The following SMARCB1 variants were observed in gnomAD, a reference collection of about 807,000 sequenced individuals.
The protein encoded by SMARCB1 is SWI/SNF related BAF chromatin remodeling complex subunit B1.
In SMARCB1, 5 loss-of-function variants were observed where a neutral mutation model predicts 49.0. The ratio of observed to expected loss-of-function variants is 0.10; its 90% CI spans 0.05 to 0.21. The LOEUF is 0.21. Among genes scored for constraint, SMARCB1 ranks in the 10% least tolerant of loss-of-function variants. The pLI, the probability that SMARCB1 is intolerant of heterozygous loss-of-function variation, is 1.00. For synonymous variants in SMARCB1, 201 were observed against 200.1 expected (o/e 1.00, Z -0.04); for missense variants, 226 against 509.2 (o/e 0.44, Z 5.35).
Position 23,837,836 on chromosome 22 carries a change from T to G in SMARCB1, c.*3656T>G. ...AGGGCCTGGCCCAGGAAGAACAGGC[T>G]GCCCAGGAGTCCCAGCAGCTGGGCC... On this transcript the variant is annotated 3_prime_UTR_variant, in exon 9 of 9. Transcript: ENST00000644036. 1 of 1,612,424 alleles carries G rather than the reference T, an allele frequency of 6.2e-7. No homozygotes were observed. The highest frequency in any genetic ancestry group is 8.5e-7 in the Non-Finnish European group (1 of 1,179,074).
chr22:23,837,327 T>A lies in SMARCB1; in HGVS notation c.*3147T>A. On this transcript the variant is annotated 3_prime_UTR_variant, in exon 9 of 9. Transcript: ENST00000644036. ...CCGGGTTGGCCGTGAAGGACAAGCT[T>A]AAAAGGCCCAGAAGCAGGCAGGACC... 1 of 849,890 alleles carries A rather than the reference T, an allele frequency of 1.2e-6. No homozygotes were observed. The allele number at this position is 849,890 out of a possible 1,614,324, so 52.6% of individuals were successfully genotyped here.
chr22:23,824,767 G>C, intron 6 of SMARCB1: 1 of 216,596 alleles, frequency 4.6e-6, no homozygotes, highest in Non-Finnish European at 9.4e-6. Context: ...CTGTGAACAC[G>C]CTAGGCAGGG....
chr22:23,803,107 A>G (rs2145982279), intron 4 of SMARCB1, 188 bp from the exon 5 acceptor site: 1 of 720,294 alleles, frequency 1.4e-6, no homozygotes, highest in South Asian at 1.5e-5. Context: ...TATGGCCCCA[A>G]CTGTCCCCAT....
At chr22:23,803,140 T>C (rs1270093980) in intron 4 of SMARCB1, 155 bp from the exon 5 acceptor site, 18 of 966,370 alleles carry the variant, frequency 1.9e-5, no homozygotes, top group Non-Finnish European at 2.6e-5. Context: ...CCGGGACCCC[T>C]GCTAGCCTCG....
rs1051795046 is a variant in SMARCB1, at chr22:23,787,050, C to A, written c.-120C>A. 4.5e-6 allele frequency: 3 copies of A among 670,678 alleles called. No individual in the cohort carries two copies. Among genetic ancestry groups the A allele is most frequent in the Non-Finnish European group, 7.8e-6 (3 of 384,744 alleles). 41.5% of individuals were successfully genotyped at this position (670,678 alleles called of 1,614,324 possible). Reference sequence around the variant, plus strand: ...GGAGCCCGGCTGAGGCGCCAGTACCCGGCCCGGTCCGCATTTCGCCTTCCG... The same window carrying A: ...GGAGCCCGGCTGAGGCGCCAGTACCAGGCCCGGTCCGCATTTCGCCTTCCG... On this transcript the variant is annotated 5_prime_UTR_variant, in exon 1 of 9. Coordinates refer to ENST00000644036, the MANE Select transcript of SMARCB1 (RefSeq NM_003073.5).
In SMARCB1 at chr22:23,834,886, A is replaced by G; in HGVS notation, c.*706A>G. ...GGGCCGCCCTGGCTCTGCTGTGTCC[A>G]GATGGTCAGGCTACTGCCAGCTGGG... On this transcript the variant is annotated 3_prime_UTR_variant, in exon 9 of 9. Transcript: ENST00000644036. 6.2e-7 allele frequency: 1 copy of G among 1,612,444 alleles called. No individual in the cohort carries two copies. Among genetic ancestry groups the G allele is most frequent in the Non-Finnish European group, 8.5e-7 (1 of 1,179,770 alleles).
intron 3 of SMARCB1, among the ~76,000 whole-genome samples, chr22:23,798,906 C>T (rs1031072973): frequency 5.3e-5 from 8 of 152,046 alleles, no homozygotes; most frequent in Non-Finnish European, 2.9e-5. Context: ...AAAACTTAGC[C>T]GGGCGTGGTG....
rs35467366 is a variant in SMARCB1 at position 23,816,568 on chromosome 22, T to G, written c.629-202T>G. The G allele has an allele frequency of 0.013, 8,732 of 650,028 alleles. 537 individuals carry two copies. The African/African-American group carries it at 0.14, about 10-fold the overall frequency. 40.3% of individuals were successfully genotyped at this position (650,028 alleles called of 1,614,324 possible). A position where few individuals can be genotyped will look rare whatever the true frequency, so the allele number is the denominator to read the frequency against. Reference sequence around the variant, plus strand: ...CCCCCAGGGCATGGAGCAGGAGGTCTGTGCAGGATGAGGGCTGGGGGCCTG... The same window carrying G: ...CCCCCAGGGCATGGAGCAGGAGGTCGGTGCAGGATGAGGGCTGGGGGCCTG... On this transcript the variant is annotated intron_variant, in intron 5 of 8. Transcript: ENST00000644036.
At chr22:23,801,370 T>G in intron 4 of SMARCB1, 1 of 680,974 alleles carries the variant, frequency 1.5e-6, no homozygotes, top group Non-Finnish European at 2.7e-6. Context: ...GCCCTCAGTT[T>G]CACATGAGTG....
chr22:23,813,059 G>A, intron 5 of SMARCB1, among the ~76,000 whole-genome samples: 1 of 152,066 alleles, frequency 6.6e-6, no homozygotes, highest in East Asian at 1.9e-4. Context: ...TAGAGACGGG[G>A]TTTCACAGTG....
chr22:23,836,464 GAGGCCTATGGTGGGC>G lies in SMARCB1; in HGVS notation c.*2288_*2302del, dbSNP rs2031057480. On this transcript the variant is annotated 3_prime_UTR_variant, in exon 9 of 9. Coordinates refer to ENST00000644036, the MANE Select transcript of SMARCB1 (RefSeq NM_003073.5). ...CTTCCCCGCTGACTGGCAGGTAGCA[GAGGCCTATGGTGGGC>G]AGGACTTGCCCAAGGCCCTGGTGGG... 2.0e-6 allele frequency: 2 copies of G among 995,744 alleles called. No individual in the cohort carries two copies. Among genetic ancestry groups the G allele is most frequent in the African/African-American group, 1.7e-5 (1 of 57,736 alleles). The allele number at this position is 995,744 out of a possible 1,614,324, so 61.7% of individuals were successfully genotyped here.
chr22:23,797,380 C>T (rs1601397081), intron 3 of SMARCB1, among the ~76,000 whole-genome samples: 1 of 150,304 alleles, frequency 6.7e-6, no homozygotes, highest in East Asian at 2.0e-4. Context: ...GCCATCTTGG[C>T]TCACTGCAAG....
In SMARCB1 at chr22:23,787,034, C is replaced by A; in HGVS notation, c.-136C>A. ...CGGCGGCGGCGGCTGAGGAGCCCGG[C>A]TGAGGCGCCAGTACCCGGCCCGGTC... On this transcript the variant is annotated 5_prime_UTR_variant, in exon 1 of 9. In the 5' UTR this introduces an upstream ATG that the reference lacks. Coordinates refer to ENST00000644036, the MANE Select transcript of SMARCB1 (RefSeq NM_003073.5). The A allele has an allele frequency of 1.7e-6, 1 of 572,352 alleles. No homozygotes were observed. Among genetic ancestry groups the A allele is most frequent in the Non-Finnish European group, 3.1e-6 (1 of 327,266 alleles). The allele number at this position is 572,352 out of a possible 1,614,324, so 35.5% of individuals were successfully genotyped here.
At chr22:23,824,335 A>C (rs1266396420) in intron 6 of SMARCB1, 1 of 152,310 alleles carries the variant, frequency 6.6e-6, no homozygotes, top group Non-Finnish European at 1.5e-5. Context: ...GGGCAGGTGC[A>C]CTGTGACCTG....
Position 23,807,665 on chromosome 22 carries a change from A to G in SMARCB1, c.628+4243A>G, listed in dbSNP as rs192023356. On this transcript the variant is annotated intron_variant, in intron 5 of 8. Transcript: ENST00000644036. Reference sequence around the variant, plus strand: ...CAACATGATTAACCCAAAGCAATCCATGCCAAGACACATCATAATTAAACT... The same window carrying G: ...CAACATGATTAACCCAAAGCAATCCGTGCCAAGACACATCATAATTAAACT... Among the ~76,000 whole-genome samples the G allele has an allele frequency of 3.3e-5, 5 of 152,304 alleles. No individual in the cohort carries two copies. The East Asian group carries it at 9.6e-4, about 29-fold the overall frequency.
intron 1 of SMARCB1, among the ~76,000 whole-genome samples, chr22:23,788,757 C>G (rs1658005147): frequency 6.6e-6 from 1 of 152,172 alleles, no homozygotes; most frequent in South Asian, 2.1e-4. Flanking sequence ...CACAATTGAG[C>G]ATAGCATGAA....
chr22:23,802,486 C>G (rs1929230681), intron 4 of SMARCB1: 1 of 152,778 alleles, frequency 6.5e-6, no homozygotes, highest in Non-Finnish European at 1.5e-5. Flanking sequence ...CTTCCCATCC[C>G]TAGTTGACTG....
intron 3 of SMARCB1, among the ~76,000 whole-genome samples, chr22:23,796,972 G>T (rs1430438860): frequency 6.6e-6 from 1 of 151,956 alleles, no homozygotes; most frequent in African/African-American, 2.4e-5. Context: ...AGGGATGCTG[G>T]GATTGCAATG....
intron 3 of SMARCB1, among the ~76,000 whole-genome samples, chr22:23,794,402 G>C (rs369215432): frequency 5.9e-5 from 9 of 152,172 alleles, no homozygotes; most frequent in Admixed American, 5.2e-4. Flanking sequence ...AGTGGGACTC[G>C]TGGGGCACAG....
Sources: allele counts gnomAD v4.1 joint callset (sites outside exome capture counted in the v4.1 genomes callset), GRCh38; gene constraint gnomAD v4.1.1; transcripts MANE v1.5; gene names NCBI Gene and HGNC (gene_info 2026-07-23, HGNC 2026-07-21).